Variants in PSD3 observed in about 807,000 individuals in gnomAD.
PSD3 encodes the protein pleckstrin and Sec7 domain containing 3, also known as PH and SEC7 domain-containing protein 3.
A neutral mutation model predicts 105.5 loss-of-function variants in PSD3; 49 were observed. The ratio of observed to expected loss-of-function variants is 0.46; its 90% CI spans 0.37 to 0.59. The LOEUF (loss-of-function observed/expected upper bound fraction) is 0.59, where lower values mean the gene tolerates loss of function less well. Ranked by LOEUF, PSD3 falls within the 20% of genes least tolerant of loss-of-function variation. The pLI is 0.00. For missense variants in PSD3, 1,561 were observed against 1,263.8 expected, an observed-to-expected ratio of 1.24 and a Z score of -3.57; for synonymous variants, 557 against 457.8, an observed-to-expected ratio of 1.22 and a Z score of -2.77.
At chr8:19,082,692 G>T (rs1402738017) in intron 1 of PSD3, among the ~76,000 whole-genome samples, 1 of 152,206 alleles carries the variant, frequency 6.6e-6, no homozygotes, top group African/African-American at 2.4e-5. Flanking sequence ...CCGAAGGCGG[G>T]AGGGGAGAGT....
intron 8 of PSD3, among the ~76,000 whole-genome samples, chr8:18,782,028 T>C (rs2129445338): frequency 6.6e-6 from 1 of 152,284 alleles, no homozygotes; most frequent in African/African-American, 2.4e-5. Context: ...AGTTTCAGGA[T>C]TTCTATTTAA....
At chr8:18,646,945 G>T (rs1808081095) in intron 10 of PSD3, among the ~76,000 whole-genome samples, 1 of 152,044 alleles carries the variant, frequency 6.6e-6, no homozygotes, top group African/African-American at 2.4e-5. Context: ...TCATATTTAG[G>T]CCATTGGGTT....
intron 1 of PSD3, among the ~76,000 whole-genome samples, chr8:18,994,753 T>A (rs555884005): frequency 1.3e-5 from 2 of 152,066 alleles, no homozygotes; most frequent in East Asian, 3.9e-4. Context: ...AACTTACTTG[T>A]GAAATTCTCA....
chr8:18,632,828 G>C (rs1378734664), intron 10 of PSD3, 22 bp from the exon 11 acceptor site: 3 of 1,505,458 alleles, frequency 2.0e-6, no homozygotes, highest in Non-Finnish European at 2.7e-6. Flanking sequence ...AAAGCACAAA[G>C]ACTGAGTCAA....
At chr8:18,920,038 CAA>C (rs548358518) in intron 2 of PSD3, among the ~76,000 whole-genome samples, 40 of 134,246 alleles carry the variant, frequency 3.0e-4, no homozygotes, top group African/African-American at 8.3e-4. Flanking sequence ...AAAACAATCA[CAA>C]AAAAAAAAAA....
rs181509313 is a variant in PSD3, at chr8:18,716,871, C to T, written c.2172+48578G>A. Among the ~76,000 whole-genome samples, 85 of 152,264 alleles carry T rather than the reference C, an allele frequency of 5.6e-4. 1 individual carries two copies. The highest frequency in any genetic ancestry group is 1.8e-3 in the African/African-American group (75 of 41,562). On this transcript the variant is annotated intron_variant, in intron 9 of 15. Coordinates refer to ENST00000327040, the MANE Select transcript of PSD3 (RefSeq NM_015310.4). ...TATTTCTCAATCTATAACTCCCTCA[C>T]GGATACAGCACATGTGTGAGCATGA...
At chr8:18,841,328 T>C (rs35761635) in intron 4 of PSD3, among the ~76,000 whole-genome samples, 10,041 of 152,290 alleles carry the variant, frequency 0.066, 413 homozygotes, top group South Asian at 0.15. Flanking sequence ...ACACAGCACC[T>C]TGGGAGTGCT....
At chr8:19,020,548 C>T (rs930211207) in intron 1 of PSD3, among the ~76,000 whole-genome samples, 1 of 151,966 alleles carries the variant, frequency 6.6e-6, no homozygotes. Flanking sequence ...CTTAACTGCC[C>T]TTGGTAGATT....
At chr8:18,765,893 G>A (rs1172768720) in intron 8 of PSD3, among the ~76,000 whole-genome samples, 3 of 150,646 alleles carry the variant, frequency 2.0e-5, no homozygotes, top group Admixed American at 2.0e-4. Flanking sequence ...GCTTGAACCC[G>A]GGAGGCAGAG....
chr8:18,667,119 C>T (rs370531391), intron 9 of PSD3, among the ~76,000 whole-genome samples: 1 of 152,090 alleles, frequency 6.6e-6, no homozygotes, highest in Admixed American at 6.5e-5. Flanking sequence ...GGGACCCCAG[C>T]GAGTTGCCAC....
chr8:18,968,876 C>T (rs1248742200), intron 1 of PSD3, among the ~76,000 whole-genome samples: 2 of 27,658 alleles, frequency 7.2e-5, no homozygotes, highest in Non-Finnish European at 1.8e-4. Context: ...AAAAAAATGT[C>T]TCCAAAAAAA....
At chr8:18,896,866 A>C (rs927847019) in intron 2 of PSD3, among the ~76,000 whole-genome samples, 3 of 151,860 alleles carry the variant, frequency 2.0e-5, no homozygotes, top group Non-Finnish European at 4.4e-5. Flanking sequence ...GCTGGAGTGC[A>C]ATGGCATGAT....
At position 18,679,450 on chromosome 8, in the gene PSD3, A is replaced by C. The variant is rs552172896; in HGVS notation, c.2173-23765T>G. The stretch of plus-strand genomic sequence containing the variant: ...CAAAGGACTTCCATTTTCCTTTAAC[A>C]CGTTTATGGTTAACATCTCCTAGTA... On this transcript the variant is annotated intron_variant, in intron 9 of 15. Coordinates refer to ENST00000327040, the MANE Select transcript of PSD3 (RefSeq NM_015310.4). Among the ~76,000 whole-genome samples, 9 of 152,314 alleles carry C rather than the reference A, an allele frequency of 5.9e-5. No homozygotes were observed. The South Asian group carries it at 8.3e-4, about 14-fold the overall frequency.
intron 8 of PSD3, among the ~76,000 whole-genome samples, chr8:18,798,331 A>G (rs1185514568): frequency 2.0e-5 from 3 of 152,136 alleles, no homozygotes; most frequent in African/African-American, 7.2e-5. Flanking sequence ...GAGATATGTT[A>G]AAATGATGTT....
intron 1 of PSD3, among the ~76,000 whole-genome samples, chr8:18,950,786 G>C (rs1172365094): frequency 1.3e-5 from 2 of 151,996 alleles, no homozygotes; most frequent in East Asian, 3.9e-4. Context: ...ACCTCTCGGG[G>C]AACATCAGGT....
At chr8:18,620,474 C>T (rs1436801112) in intron 11 of PSD3, among the ~76,000 whole-genome samples, 3 of 151,790 alleles carry the variant, frequency 2.0e-5, no homozygotes, top group African/African-American at 4.8e-5. Flanking sequence ...CTTTGGGAGG[C>T]CAAGCCTGGT....
At chr8:18,677,903 G>T (rs560038285) in intron 9 of PSD3, among the ~76,000 whole-genome samples, 1 of 151,862 alleles carries the variant, frequency 6.6e-6, no homozygotes, top group Non-Finnish European at 1.5e-5. Flanking sequence ...CCAGCTACTC[G>T]GGAGGCTGAA....
At chr8:18,770,305 T>A (rs1807397575) in intron 8 of PSD3, among the ~76,000 whole-genome samples, 1 of 152,238 alleles carries the variant, frequency 6.6e-6, no homozygotes, top group African/African-American at 2.4e-5. Flanking sequence ...CTATTTTCCC[T>A]TCTTATTGGA....
chr8:18,797,092 A>G (rs1810251531), intron 8 of PSD3, among the ~76,000 whole-genome samples: 1 of 152,178 alleles, frequency 6.6e-6, no homozygotes, highest in African/African-American at 2.4e-5. Flanking sequence ...TTTAAAATGA[A>G]TCCAGAGGAG....
Sources: allele counts gnomAD v4.1 joint callset (sites outside exome capture counted in the v4.1 genomes callset), GRCh38; gene constraint gnomAD v4.1.1; transcripts MANE v1.5; gene names NCBI Gene and HGNC (gene_info 2026-07-23, HGNC 2026-07-21).